Variants in NRXN3 observed in about 807,000 individuals in gnomAD.
NRXN3 encodes the protein neurexin 3, also known as neurexin III.
Under a neutral mutation model 137.6 loss-of-function variants are expected in NRXN3, and 32 were observed. The observed-to-expected ratio is 0.23, with a 90% confidence interval of 0.18 to 0.31. NRXN3 has a LOEUF of 0.31. Ranked by LOEUF, NRXN3 falls within the 10% of genes least tolerant of loss-of-function variation. NRXN3 has a pLI of 1.00. For synonymous variants in NRXN3, 798 were observed against 784.5 expected (o/e 1.02, Z -0.29); for missense variants, 1,574 against 2,062.5 (o/e 0.76, Z 4.59).
intron 6 of NRXN3, among the ~76,000 whole-genome samples, chr14:78,658,694 T>C (rs1417372041): frequency 6.6e-6 from 1 of 152,234 alleles, no homozygotes; most frequent in African/African-American, 2.4e-5. Flanking sequence ...TGTAGAGACC[T>C]TCTTGTAAAT....
At position 78,178,207 on chromosome 14, in the gene NRXN3, T is replaced by C. The variant is rs377449466; in HGVS notation, c.-704+7533T>C. ...GTCTTAACCACTGTTTCGTACCACC[T>C]CCATGGGCCTGTCCTCTGGTTCCGC... is the stretch of plus-strand genomic sequence containing the variant. On this transcript the variant is annotated intron_variant, in intron 1 of 20. Coordinates refer to ENST00000335750, the MANE Select transcript of NRXN3 (RefSeq NM_001330195.2). 5.3e-5 allele frequency among the ~76,000 whole-genome samples: 8 copies of C among 152,196 alleles called. 1 individual carries two copies. Among genetic ancestry groups the C allele is most frequent in the Admixed American group, 4.6e-4 (7 of 15,284 alleles).
At chr14:79,616,335 A>T (rs2098155566) in intron 16 of NRXN3, among the ~76,000 whole-genome samples, 2 of 152,236 alleles carry the variant, frequency 1.3e-5, no homozygotes, top group African/African-American at 4.8e-5. Context: ...ATTTGGCACA[A>T]CTAGGTGATA....
At chr14:78,970,286 G>A (rs959394913) in intron 14 of NRXN3, among the ~76,000 whole-genome samples, 3 of 151,772 alleles carry the variant, frequency 2.0e-5, no homozygotes, top group Non-Finnish European at 4.4e-5. Flanking sequence ...ATTTTAAAAA[G>A]GTATAAAGTA....
intron 15 of NRXN3, among the ~76,000 whole-genome samples, chr14:79,178,618 A>T (rs2062602918): frequency 6.6e-6 from 1 of 152,216 alleles, no homozygotes; most frequent in Admixed American, 6.5e-5. Context: ...CTGAAAGTAA[A>T]TCTGAATAGA....
In NRXN3 at chr14:78,885,093, A is replaced by T. The variant is rs557728866; in HGVS notation, c.2276-72149A>T. ...TTGTAAAATATAATGCAGTGAGTTT[A>T]CAAGTGTCATAATGTGAAATATATA... On this transcript the variant is annotated intron_variant, in intron 10 of 20. Transcript: ENST00000335750. Among the ~76,000 whole-genome samples the T allele has an allele frequency of 9.0e-4, 136 of 150,712 alleles. 2 individuals carry two copies. The highest frequency in any genetic ancestry group is 2.9e-3 in the African/African-American group (120 of 41,284).
chr14:78,664,315 A>T (rs2097863882), intron 6 of NRXN3, among the ~76,000 whole-genome samples: 1 of 152,142 alleles, frequency 6.6e-6, no homozygotes, highest in African/African-American at 2.4e-5. Context: ...CCCTCATCTT[A>T]CAGAATGAAC....
At chr14:79,664,178 T>G (rs146420373) in intron 17 of NRXN3, among the ~76,000 whole-genome samples, 5 of 152,290 alleles carry the variant, frequency 3.3e-5, no homozygotes, top group Admixed American at 2.0e-4. Context: ...AACCTTTGAC[T>G]GATACAGCCT....
intron 4 of NRXN3, among the ~76,000 whole-genome samples, chr14:78,635,353 A>C (rs936852458): frequency 6.6e-6 from 1 of 152,150 alleles, no homozygotes; most frequent in African/African-American, 2.4e-5. Context: ...AGTTTTCCCA[A>C]ATTCTGTAAA....
At chr14:78,252,366 A>T (rs182553545) in intron 2 of NRXN3, among the ~76,000 whole-genome samples, 4 of 152,314 alleles carry the variant, frequency 2.6e-5, no homozygotes, top group African/African-American at 9.6e-5. Flanking sequence ...TAAAGATGAA[A>T]GAGAGGGAGG....
intron 15 of NRXN3, among the ~76,000 whole-genome samples, chr14:79,167,245 T>C (rs2061364429): frequency 1.3e-5 from 2 of 152,036 alleles, no homozygotes; most frequent in Admixed American, 1.3e-4. Flanking sequence ...GAATTATCCC[T>C]GAAATAAAAC....
rs78266528 is a variant in NRXN3 at position 79,593,664 on chromosome 14, A to G, written c.3445-70114A>G. Among the ~76,000 whole-genome samples, 16 of 151,788 alleles carry G rather than the reference A, an allele frequency of 1.1e-4. No individual in the cohort carries two copies. The East Asian group carries it at 3.1e-3, about 29-fold the overall frequency. ...AAAAAAAAAAAAAATTACCTTGAGA[A>G]AAACAAGCAAACACATGAACCTAAA... On this transcript the variant is annotated intron_variant, in intron 16 of 20. Coordinates refer to ENST00000335750, the MANE Select transcript of NRXN3 (RefSeq NM_001330195.2).
chr14:78,883,249 A>G (rs2099134448), intron 10 of NRXN3, among the ~76,000 whole-genome samples: 1 of 152,198 alleles, frequency 6.6e-6, no homozygotes, highest in African/African-American at 2.4e-5. Flanking sequence ...AAATATATTA[A>G]TGTAGATGTG....
chr14:78,724,705 G>T (rs560179372), intron 8 of NRXN3, among the ~76,000 whole-genome samples: 2 of 152,300 alleles, frequency 1.3e-5, no homozygotes, highest in Admixed American at 6.5e-5. Flanking sequence ...AAGCCATTTG[G>T]TAAATCTCCA....
chr14:79,755,353 C>T (rs924885554), intron 19 of NRXN3, among the ~76,000 whole-genome samples: 1 of 151,842 alleles, frequency 6.6e-6, no homozygotes, highest in Non-Finnish European at 1.5e-5. Flanking sequence ...CATTCTCTCT[C>T]CCTCTGCATC....
chr14:79,471,174 A>G (rs906120030), intron 16 of NRXN3, among the ~76,000 whole-genome samples: 3 of 152,160 alleles, frequency 2.0e-5, no homozygotes, highest in Non-Finnish European at 4.4e-5. Context: ...AGAACACTAG[A>G]GAGCCTGACC....
intron 16 of NRXN3, among the ~76,000 whole-genome samples, chr14:79,476,803 A>G (rs1041348718): frequency 1.3e-5 from 2 of 152,138 alleles, no homozygotes; most frequent in African/African-American, 4.8e-5. Flanking sequence ...TGGGGCAACT[A>G]AAGTTTGAAG....
At chr14:78,307,590 C>T (rs7144427) in intron 4 of NRXN3, among the ~76,000 whole-genome samples, 102,938 of 151,884 alleles carry the variant, frequency 0.68, 36,306 homozygotes, top group African/African-American at 0.89. Flanking sequence ...AAAGAGAATA[C>T]CTAATTGATA....
chr14:79,452,330 A>G (rs943054310), intron 15 of NRXN3, among the ~76,000 whole-genome samples: 2 of 152,202 alleles, frequency 1.3e-5, no homozygotes, highest in African/African-American at 4.8e-5. Flanking sequence ...CATTTTCTAA[A>G]AAGAGACTGG....
In NRXN3 at chr14:78,696,562, T is replaced by G. The variant is rs577921968; in HGVS notation, c.1222-12655T>G. On this transcript the variant is annotated intron_variant, in intron 6 of 20. Transcript: ENST00000335750. ...AAGAATTTCAACTCAGAGTATATGC[T>G]TCAACTCAGAATATACTTCAACTCA... Among the ~76,000 whole-genome samples the G allele has an allele frequency of 7.9e-5, 12 of 152,118 alleles. No individual in the cohort carries two copies. The South Asian group carries it at 2.5e-3, about 32-fold the overall frequency.
Sources: gnomAD v4.1 joint callset for allele counts (sites outside exome capture counted in the v4.1 genomes callset) on GRCh38, gnomAD v4.1.1 for gene constraint, MANE v1.5 for transcripts, NCBI Gene and HGNC (gene_info 2026-07-23, HGNC 2026-07-21) for gene names.